The following PDE1A variants were observed in gnomAD, a reference collection of about 807,000 sequenced individuals.
PDE1A encodes the protein dual specificity calcium/calmodulin-dependent 3',5'-cyclic nucleotide phosphodiesterase 1A.
Under a neutral mutation model 61.7 loss-of-function variants are expected in PDE1A, and 35 were observed. The observed-to-expected ratio is 0.57, with a 90% CI of 0.43 to 0.75. The LOEUF is 0.75. Among genes scored for constraint, PDE1A ranks in the 30% least tolerant of loss-of-function variants. The pLI, the probability that PDE1A is intolerant of heterozygous loss-of-function variation, is 0.00. For missense variants in PDE1A, 597 were observed against 630.6 expected, an observed-to-expected ratio of 0.95 and a Z score of 0.57; for synonymous variants, 232 against 213.2, an observed-to-expected ratio of 1.09 and a Z score of -0.77.
the PDE1A span, among the ~76,000 whole-genome samples, chr2:182,644,128 T>C: frequency 7.7e-6 from 1 of 129,436 alleles, no homozygotes; most frequent in Non-Finnish European, 1.6e-5. Flanking sequence ...AATCAATGAT[T>C]ACACACACAC....
At position 182,281,482 on chromosome 2, in the gene PDE1A, C is replaced by A. The variant is rs73036241; in HGVS notation, c.54-17068G>T. ...CTCAAGAAACCCATCTGAATGCTAA[C>A]CACCTAGACCAGAAAACTCAATCCA... On this transcript the variant is annotated intron_variant, in intron 1 of 13. Transcript: ENST00000351439. Among the ~76,000 whole-genome samples, 1,385 of 152,032 alleles carry A rather than the reference C, an allele frequency of 9.1e-3. 17 individuals are homozygous for A. The highest frequency in any genetic ancestry group is 0.031 in the African/African-American group (1,287 of 41,520).
At chr2:182,566,966 A>G in the PDE1A span, among the ~76,000 whole-genome samples, 1 of 152,188 alleles carries the variant, frequency 6.6e-6, no homozygotes, top group African/African-American at 2.4e-5. Context: ...AACCTTACAT[A>G]TTTTGTTTCT....
At chr2:182,586,305 G>A in the PDE1A span, among the ~76,000 whole-genome samples, 4 of 152,112 alleles carry the variant, frequency 2.6e-5, no homozygotes, top group Non-Finnish European at 5.9e-5. Context: ...ATATTTTAGA[G>A]AACACATCCC....
At chr2:182,416,705 T>A (rs760804940) in intron 1 of PDE1A, among the ~76,000 whole-genome samples, 2 of 152,198 alleles carry the variant, frequency 1.3e-5, no homozygotes, top group Non-Finnish European at 2.9e-5. Context: ...AAAGAAGGCA[T>A]GTTTTGGAGA....
chr2:182,552,879 C>T, the PDE1A span, among the ~76,000 whole-genome samples: 1 of 152,176 alleles, frequency 6.6e-6, no homozygotes, highest in African/African-American at 2.4e-5. Flanking sequence ...TTTGTTACGG[C>T]TCGAGCTGAG....
intron 1 of PDE1A, among the ~76,000 whole-genome samples, chr2:182,379,029 A>G (rs1405994178): frequency 6.6e-6 from 1 of 152,206 alleles, no homozygotes; most frequent in African/African-American, 2.4e-5. Context: ...CAAAACTTTT[A>G]AAGTTAGTTT....
the PDE1A span, among the ~76,000 whole-genome samples, chr2:182,540,340 G>T: frequency 7.1e-6 from 1 of 140,072 alleles, no homozygotes; most frequent in Non-Finnish European, 1.5e-5. Flanking sequence ...TCCAGCCTGG[G>T]CAACAGAGAG....
rs192531049 is a variant in PDE1A, at chr2:182,240,505, C to G, written c.168-213G>C. The stretch of plus-strand genomic sequence containing the variant: ...TCATATGAAGACAACAACGAATAGA[C>G]TTGAGCATTTGCAGCTTCCCAAACA... On this transcript the variant is annotated intron_variant, in intron 2 of 13. Coordinates refer to ENST00000351439, the Ensembl canonical transcript of PDE1A. Among the ~76,000 whole-genome samples the G allele has an allele frequency of 1.8e-4, 27 of 152,286 alleles. 1 individual carries two copies. In the East Asian group the frequency reaches 5.2e-3, roughly 29 times the overall value.
chr2:182,563,576 T>A, the PDE1A span, among the ~76,000 whole-genome samples: 1 of 152,220 alleles, frequency 6.6e-6, no homozygotes, highest in Non-Finnish European at 1.5e-5. Flanking sequence ...TTAGGTCTGC[T>A]TGGTGCAGAG....
downstream of PDE1A, among the ~76,000 whole-genome samples, chr2:182,167,138 T>G (rs1291403674): frequency 2.0e-5 from 3 of 152,122 alleles, no homozygotes; most frequent in Non-Finnish European, 2.9e-5. Context: ...AGGTTGAGTG[T>G]TGAGAGCTTG....
chr2:182,539,363 T>C, the PDE1A span, among the ~76,000 whole-genome samples: 1 of 152,128 alleles, frequency 6.6e-6, no homozygotes, highest in Non-Finnish European at 1.5e-5. Context: ...CTAGGTCAAG[T>C]GGTGGGCTTG....
the PDE1A span, among the ~76,000 whole-genome samples, chr2:182,541,773 G>T: frequency 1.3e-5 from 2 of 152,146 alleles, no homozygotes; most frequent in African/African-American, 4.8e-5. Flanking sequence ...TGCTCTGAAC[G>T]TAGAAAATTT....
At chr2:182,447,457 T>C (rs1685219865) in intron 2 of PDE1A, among the ~76,000 whole-genome samples, 1 of 152,064 alleles carries the variant, frequency 6.6e-6, no homozygotes, top group Non-Finnish European at 1.5e-5. Flanking sequence ...TTTTTGCTGA[T>C]GGCAATGTGT....
At chr2:182,650,072 G>A in the PDE1A span, among the ~76,000 whole-genome samples, 1 of 152,070 alleles carries the variant, frequency 6.6e-6, no homozygotes, top group African/African-American at 2.4e-5. Flanking sequence ...AGGTGATAGA[G>A]CGAGACTCTC....
chr2:182,169,009 T>C (rs1483401259), intron 13 of PDE1A, among the ~76,000 whole-genome samples: 1 of 152,090 alleles, frequency 6.6e-6, no homozygotes, highest in Non-Finnish European at 1.5e-5. Flanking sequence ...TGTATGTGTG[T>C]GTATATCTGA....
the PDE1A span, among the ~76,000 whole-genome samples, chr2:182,551,454 T>A: frequency 6.6e-6 from 1 of 151,922 alleles, no homozygotes; most frequent in African/African-American, 2.4e-5. Flanking sequence ...GTCGTGGAAT[T>A]TGGAATTTTA....
At chr2:182,403,308 G>A (rs1312445813) in intron 1 of PDE1A, among the ~76,000 whole-genome samples, 2 of 152,140 alleles carry the variant, frequency 1.3e-5, no homozygotes, top group East Asian at 3.9e-4. Context: ...TCAAGAAAAT[G>A]TGGCACATAG....
chr2:182,390,332 G>A lies in PDE1A; in HGVS notation c.53+36246C>T, dbSNP rs574798888. 3.3e-5 allele frequency among the ~76,000 whole-genome samples: 5 copies of A among 152,284 alleles called. No individual in the cohort carries two copies. The South Asian group carries it at 1.0e-3, about 32-fold the overall frequency. ...TCTAACAGTATGGAGAACACTGATA[G>A]TCTTTGGCATGAACTGTTTAGAGAG... On this transcript the variant is annotated intron_variant, in intron 1 of 13. Coordinates refer to ENST00000351439, the Ensembl canonical transcript of PDE1A.
chr2:182,301,243 T>C lies in PDE1A; in HGVS notation c.54-36829A>G, dbSNP rs1242117656. 2.0e-5 allele frequency among the ~76,000 whole-genome samples: 3 copies of C among 152,182 alleles called. No homozygotes were observed. In the East Asian group the frequency reaches 5.8e-4, roughly 29 times the overall value. ...CCCCAAATCTGCTGGCCTGACAGAA[T>C]GTTGGATTTGTTTCTTAAAGGCACA... is the stretch of plus-strand genomic sequence containing the variant. On this transcript the variant is annotated intron_variant, in intron 1 of 13. Transcript: ENST00000351439.
Sources: gnomAD v4.1 joint callset for allele counts (sites outside exome capture counted in the v4.1 genomes callset) on GRCh38, gnomAD v4.1.1 for gene constraint, MANE v1.5 for transcripts, NCBI Gene and HGNC (gene_info 2026-07-23, HGNC 2026-07-21) for gene names.